The following DGKI variants were observed in gnomAD, a reference collection of about 807,000 sequenced individuals.
DGKI encodes diacylglycerol kinase iota, also known as DAG kinase iota.
In DGKI, 55 loss-of-function variants were observed where a neutral mutation model predicts 147.5. The observed-to-expected ratio is 0.37, with a 90% CI of 0.30 to 0.47. The LOEUF is 0.47. Ranked by LOEUF, DGKI falls within the 20% of genes least tolerant of loss-of-function variation. The pLI is 1.00. For synonymous variants in DGKI, 469 were observed against 477.1 expected, an observed-to-expected ratio of 0.98 and a Z score of 0.22; for missense variants, 1,007 against 1,323.8, an observed-to-expected ratio of 0.76 and a Z score of 3.71.
intron 12 of DGKI, among the ~76,000 whole-genome samples, chr7:137,589,175 GC>G (rs1484922813): frequency 3.3e-5 from 5 of 152,148 alleles, no homozygotes; most frequent in Non-Finnish European, 7.3e-5. Context: ...AAACTGAGGT[GC>G]AAAAAAACCA....
intron 19 of DGKI, among the ~76,000 whole-genome samples, chr7:137,570,942 T>C (rs1818772559): frequency 6.6e-6 from 1 of 152,178 alleles, no homozygotes; most frequent in Non-Finnish European, 1.5e-5. Flanking sequence ...AGAAAATTAA[T>C]CAGGAAAAGT....
intron 1 of DGKI, among the ~76,000 whole-genome samples, chr7:137,742,482 T>G (rs1470360532): frequency 1.3e-5 from 2 of 152,098 alleles, no homozygotes; most frequent in African/African-American, 4.8e-5. Flanking sequence ...TATGGCCAGA[T>G]GTACACAAGA....
rs1446292658 is a variant in DGKI, at chr7:137,615,738, T to C, written c.993+4086A>G. ...ACACACTACAAACTATAGTTTTTAC[T>C]GTCATCTATGAACAGATCAGAGACA... is the stretch of plus-strand genomic sequence containing the variant. On this transcript the variant is annotated intron_variant, in intron 8 of 32. Transcript: ENST00000614521. Among the ~76,000 whole-genome samples, 5 of 152,184 alleles carry C rather than the reference T, an allele frequency of 3.3e-5. No individual in the cohort carries two copies. The East Asian group carries it at 9.6e-4, about 29-fold the overall frequency.
intron 5 of DGKI, among the ~76,000 whole-genome samples, chr7:137,650,562 T>C (rs1290778182): frequency 6.6e-6 from 1 of 152,164 alleles, no homozygotes; most frequent in Non-Finnish European, 1.5e-5. Context: ...GATCAAGTAA[T>C]GAGAGTAGAC....
intron 8 of DGKI, among the ~76,000 whole-genome samples, chr7:137,616,407 T>C (rs1177403221): frequency 1.3e-5 from 2 of 152,178 alleles, no homozygotes; most frequent in Admixed American, 1.3e-4. Context: ...AAAAGGCACA[T>C]GTTGAATAAT....
chr7:137,424,196 T>C (rs777958189), intron 28 of DGKI, among the ~76,000 whole-genome samples: 8 of 152,212 alleles, frequency 5.3e-5, no homozygotes, highest in African/African-American at 7.2e-5. Context: ...CTTAGAAGAA[T>C]TGTTATGTAA....
chr7:137,821,787 AAGGAAGC>A (rs1797909802), intron 1 of DGKI, among the ~76,000 whole-genome samples: 2 of 152,346 alleles, frequency 1.3e-5, no homozygotes, highest in South Asian at 4.1e-4. Context: ...ATGTGTTAAG[AAGGAAGC>A]AGCAAACAAA....
At chr7:137,466,760 G>C in intron 25 of DGKI, 142 bp downstream of exon 25, 1 of 789,698 alleles carries the variant, frequency 1.3e-6, no homozygotes, top group Non-Finnish European at 2.2e-6. Context: ...ACAAATAAAA[G>C]GTTCAAGCTT....
chr7:137,568,789 A>C (rs1333467657), intron 19 of DGKI, among the ~76,000 whole-genome samples: 2 of 152,136 alleles, frequency 1.3e-5, no homozygotes, highest in Non-Finnish European at 2.9e-5. Flanking sequence ...TTTGTGAAAG[A>C]GCCCTCCATT....
chr7:137,408,658 G>A (rs989355167), intron 29 of DGKI, among the ~76,000 whole-genome samples: 2 of 152,088 alleles, frequency 1.3e-5, no homozygotes, highest in Admixed American at 6.6e-5. Context: ...AATCCACAGA[G>A]TGAGACCCAA....
intron 11 of DGKI, among the ~76,000 whole-genome samples, chr7:137,598,792 A>G (rs1011435399): frequency 9.2e-5 from 14 of 152,128 alleles, no homozygotes; most frequent in African/African-American, 3.1e-4. Context: ...AAGAAAAATA[A>G]GCTCCTAAAA....
chr7:137,478,234 A>G (rs968399629), intron 23 of DGKI, among the ~76,000 whole-genome samples: 1 of 152,210 alleles, frequency 6.6e-6, no homozygotes, highest in Admixed American at 6.5e-5. Flanking sequence ...TGCATATTGT[A>G]TGGGTTAAAA....
chr7:137,428,851 C>T (rs200358588), intron 28 of DGKI, among the ~76,000 whole-genome samples: 67,912 of 151,262 alleles, frequency 0.45, 16,065 homozygotes, highest in East Asian at 0.74. Context: ...ACAAGGGATG[C>T]GAAGGACCTC....
chr7:137,846,962 G>T lies in DGKI; in HGVS notation c.-100C>A. 2 of 929,150 alleles carry T rather than the reference G, an allele frequency of 2.2e-6. No individual in the cohort carries two copies. The highest frequency in any genetic ancestry group is 2.6e-6 in the Non-Finnish European group (2 of 768,922). 57.6% of individuals were successfully genotyped at this position (929,150 alleles called of 1,614,324 possible). ...CTCCCCGCCTCCCGCGCCCTCCCGC[G>T]CCGGCCCGCACCCTCCAGCCCCGCC... On this transcript the variant is annotated 5_prime_UTR_variant, in exon 1 of 33. Transcript: ENST00000614521. The surrounding 1 kb of genome is among the most constrained non-coding windows in gnomAD (Gnocchi z 4.0).
intron 1 of DGKI, among the ~76,000 whole-genome samples, chr7:137,701,972 A>T (rs905632452): frequency 6.6e-6 from 1 of 152,218 alleles, no homozygotes. Context: ...TTGACATTTG[A>T]TCAATTGAAA....
chr7:137,560,717 A>G (rs1489675145), intron 19 of DGKI, among the ~76,000 whole-genome samples: 1 of 152,218 alleles, frequency 6.6e-6, no homozygotes, highest in African/African-American at 2.4e-5. Context: ...GTCAGAGAGG[A>G]CAATGCAAGA....
chr7:137,623,761 A>G (rs568356340), intron 6 of DGKI, among the ~76,000 whole-genome samples: 17 of 152,358 alleles, frequency 1.1e-4, no homozygotes, highest in African/African-American at 3.8e-4. Flanking sequence ...AAGCATTTCA[A>G]GTGAGAGAGA....
chr7:137,773,077 C>G (rs1388354693), intron 1 of DGKI, among the ~76,000 whole-genome samples: 1 of 152,166 alleles, frequency 6.6e-6, no homozygotes, highest in African/African-American at 2.4e-5. Flanking sequence ...CAAGAAGGGA[C>G]CCATGGGTCA....
At chr7:137,449,622 A>C (rs1344101117) in intron 27 of DGKI, among the ~76,000 whole-genome samples, 2 of 152,228 alleles carry the variant, frequency 1.3e-5, no homozygotes, top group Admixed American at 1.3e-4. Context: ...CAAAAGCGAA[A>C]ATAGAGAAAT....
Sources: allele counts gnomAD v4.1 joint callset (sites outside exome capture counted in the v4.1 genomes callset), GRCh38; gene constraint gnomAD v4.1.1; non-coding constraint Gnocchi (gnomAD v3.1); transcripts MANE v1.5; gene names NCBI Gene and HGNC (gene_info 2026-07-23, HGNC 2026-07-21).